Variants in ARHGAP35 observed in about 807,000 individuals in gnomAD.
ARHGAP35 encodes the protein rho GTPase-activating protein 35.
A neutral mutation model predicts 111.1 loss-of-function variants in ARHGAP35; 15 were observed. That is an observed-to-expected ratio of 0.13 (90% CI 0.09 to 0.21). ARHGAP35 has a LOEUF of 0.21. Ranked by LOEUF, ARHGAP35 falls within the 10% of genes least tolerant of loss-of-function variation. The pLI is 1.00. For synonymous variants in ARHGAP35, 643 were observed against 710.3 expected (o/e 0.91, Z 1.51); for missense variants, 1,262 against 1,873.0 (o/e 0.67, Z 6.02).
At chr19:46,861,368 C>G (rs2055825783) in intron 1 of ARHGAP35, among the ~76,000 whole-genome samples, 159 bp downstream of exon 1, 2 of 149,900 alleles carry the variant, frequency 1.3e-5, no homozygotes, top group South Asian at 4.2e-4. Context: ...CCCCGGGCCC[C>G]GCCGTCCCCG....
chr19:46,889,611 G>A (rs976793440), intron 1 of ARHGAP35, among the ~76,000 whole-genome samples: 1 of 152,068 alleles, frequency 6.6e-6, no homozygotes, highest in Non-Finnish European at 1.5e-5. Context: ...GGGGAAAATA[G>A]AATATCCTCA....
chr19:46,875,216 T>G (rs2055911585), intron 1 of ARHGAP35, among the ~76,000 whole-genome samples: 1 of 152,186 alleles, frequency 6.6e-6, no homozygotes, highest in Non-Finnish European at 1.5e-5. Context: ...AAATATTTAT[T>G]TACTGATCAT....
At chr19:46,868,736 A>G (rs1433035980) in intron 1 of ARHGAP35, among the ~76,000 whole-genome samples, 1 of 152,140 alleles carries the variant, frequency 6.6e-6, no homozygotes. Flanking sequence ...TTGGGTAGCT[A>G]CAAATGGAGA....
chr19:46,877,916 C>T (rs58291446), intron 1 of ARHGAP35, among the ~76,000 whole-genome samples: 1 of 152,106 alleles, frequency 6.6e-6, no homozygotes, highest in Non-Finnish European at 1.5e-5. Flanking sequence ...TCATGTTGGC[C>T]AAGCTGGTCT....
chr19:46,876,192 TA>T (rs1004658704), intron 1 of ARHGAP35, among the ~76,000 whole-genome samples: 3 of 151,774 alleles, frequency 2.0e-5, no homozygotes. Context: ...GACCTGGCTT[TA>T]TTTTTTTTTT....
At chr19:46,912,455 G>A (rs948625406) in intron 1 of ARHGAP35, among the ~76,000 whole-genome samples, 2 of 151,818 alleles carry the variant, frequency 1.3e-5, no homozygotes, top group Non-Finnish European at 2.9e-5. Flanking sequence ...CCAGGTTCAC[G>A]CCATTCTCCT....
intron 1 of ARHGAP35, among the ~76,000 whole-genome samples, chr19:46,916,748 G>T (rs1416774714): frequency 1.3e-5 from 2 of 150,022 alleles, no homozygotes; most frequent in Admixed American, 1.3e-4. Context: ...TCAGATTCAT[G>T]TGTTGTTAAC....
chr19:46,907,703 T>C (rs937394487), intron 1 of ARHGAP35, among the ~76,000 whole-genome samples: 4 of 151,840 alleles, frequency 2.6e-5, no homozygotes, highest in African/African-American at 9.7e-5. Context: ...GGTCTCCATC[T>C]CCTGACCTCG....
intron 1 of ARHGAP35, among the ~76,000 whole-genome samples, chr19:46,889,749 T>TAA (rs1164091346): frequency 3.3e-5 from 1 of 30,344 alleles, no homozygotes; most frequent in Non-Finnish European, 6.8e-5. Context: ...AGACTCCGTC[T>TAA]CAAAAAAAAA....
chr19:46,927,622 G>A lies in ARHGAP35; in HGVS notation c.3681+5266G>A, dbSNP rs148029469. 1.4e-3 allele frequency among the ~76,000 whole-genome samples: 214 copies of A among 152,300 alleles called. 1 individual carries two copies. Among genetic ancestry groups the A allele is most frequent in the African/African-American group, 4.9e-3 (205 of 41,584 alleles). ...GTGGCTACCACGTGAAGGGTTTTGT[G>A]TTTTTGTGCATTTATTGAATACTTA... On this transcript the variant is annotated intron_variant, in intron 2 of 6. Coordinates refer to ENST00000672722, the MANE Select transcript of ARHGAP35 (RefSeq NM_004491.5).
chr19:46,996,987 G>A (rs745537359), intron 5 of ARHGAP35, among the ~76,000 whole-genome samples: 72 of 152,158 alleles, frequency 4.7e-4, no homozygotes, highest in African/African-American at 1.6e-3. Context: ...ATGAAACCCC[G>A]TCTCTAGTAA....
rs1472055865 is a variant in ARHGAP35 at position 46,901,482 on chromosome 19, C to T, written c.-188-17006C>T. On this transcript the variant is annotated intron_variant, in intron 1 of 6. Transcript: ENST00000672722. This position sits in a 1 kb window ranked among gnomAD's most constrained non-coding sequence, Gnocchi z 4.5. ...CTGGAGCAGGAGAATCACTTGAACC[C>T]GGGAGGCAGAGGTTGCAGTGAGCCG... Among the ~76,000 whole-genome samples, 1 of 152,068 alleles carries T rather than the reference C, an allele frequency of 6.6e-6. No individual in the cohort carries two copies. Among genetic ancestry groups the T allele is most frequent in the Admixed American group, 6.5e-5 (1 of 15,272 alleles).
At chr19:46,930,960 C>T (rs1335032956) in intron 2 of ARHGAP35, among the ~76,000 whole-genome samples, 1 of 152,030 alleles carries the variant, frequency 6.6e-6, no homozygotes, top group Non-Finnish European at 1.5e-5. Flanking sequence ...CTCTTGCCTT[C>T]TAGGAACTTA....
chr19:46,966,059 CACTTGT>C (rs1172521708), intron 3 of ARHGAP35, among the ~76,000 whole-genome samples: 1 of 152,178 alleles, frequency 6.6e-6, no homozygotes, highest in African/African-American at 2.4e-5. Context: ...TACCTAGCTT[CACTTGT>C]ACATCCAGCA....
intron 3 of ARHGAP35, among the ~76,000 whole-genome samples, chr19:46,940,206 A>T (rs2056338319): frequency 6.6e-6 from 1 of 152,106 alleles, no homozygotes; most frequent in African/African-American, 2.4e-5. Context: ...CTAAAAATAT[A>T]AAATTAGCCA....
intron 1 of ARHGAP35, among the ~76,000 whole-genome samples, chr19:46,872,965 TTA>T (rs1445304384): frequency 1.3e-5 from 2 of 152,120 alleles, no homozygotes; most frequent in Non-Finnish European, 2.9e-5. Flanking sequence ...CTAAAAAATG[TTA>T]TCTCATTTTC....
At chr19:46,957,946 G>A (rs2056450377) in intron 3 of ARHGAP35, among the ~76,000 whole-genome samples, 1 of 152,162 alleles carries the variant, frequency 6.6e-6, no homozygotes, top group African/African-American at 2.4e-5. Context: ...CACTGAGGAG[G>A]GAGCTGGAGT....
chr19:46,912,666 C>T (rs1007947677), intron 1 of ARHGAP35, among the ~76,000 whole-genome samples: 1 of 152,128 alleles, frequency 6.6e-6, no homozygotes, highest in South Asian at 2.1e-4. Flanking sequence ...GTGTTCTCTT[C>T]TTATTGAAAC....
At chr19:46,895,877 C>T (rs1374458086) in intron 1 of ARHGAP35, among the ~76,000 whole-genome samples, 2 of 151,554 alleles carry the variant, frequency 1.3e-5, no homozygotes, top group African/African-American at 2.4e-5. Context: ...CTGAGGCAGG[C>T]GGATCTCCTG....
Sources: allele counts gnomAD v4.1 joint callset (sites outside exome capture counted in the v4.1 genomes callset), GRCh38; gene constraint gnomAD v4.1.1; non-coding constraint Gnocchi (gnomAD v3.1); transcripts MANE v1.5; gene names NCBI Gene and HGNC (gene_info 2026-07-23, HGNC 2026-07-21).